UBE2G1: variants seen among roughly 807,000 people sequenced by gnomAD.
UBE2G1 encodes the protein ubiquitin conjugating enzyme E2 G1.
UBE2G1 carries 5 observed loss-of-function variants against 22.7 expected under a neutral mutation model. The ratio of observed to expected loss-of-function variants is 0.22; its 90% confidence interval spans 0.12 to 0.46. The LOEUF (loss-of-function observed/expected upper bound fraction) is 0.46. Among genes scored for constraint, UBE2G1 ranks in the 20% least tolerant of loss-of-function variants. The pLI is 0.99. For missense variants in UBE2G1, 88 were observed against 203.9 expected (o/e 0.43, Z 3.46); for synonymous variants, 74 against 67.5 (o/e 1.10, Z -0.47).
intron 1 of UBE2G1, among the ~76,000 whole-genome samples, chr17:4,354,121 TA>T (rs1420199108): frequency 2.6e-5 from 4 of 152,144 alleles, no homozygotes; most frequent in African/African-American, 9.7e-5. Flanking sequence ...CCCTCAGCCT[TA>T]AATATTTTCC....
intron 1 of UBE2G1, among the ~76,000 whole-genome samples, chr17:4,349,700 G>C (rs753351858): frequency 3.1e-4 from 47 of 151,750 alleles, no homozygotes; most frequent in Non-Finnish European, 5.0e-4. Context: ...AAAATTAGCC[G>C]GGCGTGGTGG....
intron 5 of UBE2G1, among the ~76,000 whole-genome samples, chr17:4,279,776 A>G (rs12150539): frequency 7.1e-6 from 1 of 141,660 alleles, no homozygotes. Context: ...CTCTGCCCCC[A>G]AAAAAAAGTT....
intron 1 of UBE2G1, among the ~76,000 whole-genome samples, chr17:4,312,441 A>G (rs1969320574): frequency 6.6e-6 from 1 of 152,106 alleles, no homozygotes; most frequent in African/African-American, 2.4e-5. Flanking sequence ...TGAGAAAGGT[A>G]AGCCAGTGAA....
chr17:4,327,777 T>G (rs1257598261), intron 1 of UBE2G1, among the ~76,000 whole-genome samples: 1 of 152,188 alleles, frequency 6.6e-6, no homozygotes, highest in African/African-American at 2.4e-5. Context: ...TGAATCACCC[T>G]CAAGCCTTCG....
At chr17:4,363,199 T>C (rs1381110589) in intron 1 of UBE2G1, among the ~76,000 whole-genome samples, 1 of 152,210 alleles carries the variant, frequency 6.6e-6, no homozygotes. Flanking sequence ...ATGTTTACAT[T>C]TCAATTAAAA....
intron 1 of UBE2G1, among the ~76,000 whole-genome samples, chr17:4,355,642 CA>C (rs57087475): frequency 7.6e-4 from 77 of 101,872 alleles, no homozygotes; most frequent in Admixed American, 8.5e-4. Flanking sequence ...AACTCCATCT[CA>C]AAAAAAAAAA....
At position 4,294,145 on chromosome 17, in the gene UBE2G1, G is replaced by A. The variant is rs1806894; in HGVS notation, c.247+2572C>T. Among the ~76,000 whole-genome samples, 827 of 152,272 alleles carry A rather than the reference G, an allele frequency of 5.4e-3. 5 individuals carry two copies. Among genetic ancestry groups the A allele is most frequent in the African/African-American group, 0.018 (763 of 41,556 alleles). On this transcript the variant is annotated intron_variant, in intron 3 of 5. Transcript: ENST00000396981. ...CAAAATTCCATCTAAGACCAGGCGCGTGGCTCACGCCTATAATCCCAGCAC... is the reference window on the plus strand; with the variant it reads ...CAAAATTCCATCTAAGACCAGGCGCATGGCTCACGCCTATAATCCCAGCAC...
intron 3 of UBE2G1, among the ~76,000 whole-genome samples, chr17:4,293,167 C>T (rs1006613918): frequency 6.6e-6 from 1 of 152,122 alleles, no homozygotes; most frequent in African/African-American, 2.4e-5. Flanking sequence ...CAGTAGGGAA[C>T]CACTAACCTA....
rs1968764292 is a variant in UBE2G1 at position 4,271,892 on chromosome 17, C to T, written c.*662G>A. On this transcript the variant is annotated 3_prime_UTR_variant, in exon 6 of 6. Coordinates refer to ENST00000396981, the MANE Select transcript of UBE2G1 (RefSeq NM_003342.5). ...AAGGACAAAGCACCTAGTGATGACT[C>T]CTTCGAAGTCATCATTAAAAATCAA... The T allele has an allele frequency of 2.0e-5, 3 of 152,640 alleles. No homozygotes were observed. The East Asian group carries it at 5.8e-4, about 29-fold the overall frequency. The allele number at this position is 152,640 out of a possible 1,614,324, so 9.5% of individuals were successfully genotyped here.
chr17:4,362,989 G>A (rs1233601395), intron 1 of UBE2G1, among the ~76,000 whole-genome samples: 1 of 152,064 alleles, frequency 6.6e-6, no homozygotes, highest in Non-Finnish European at 1.5e-5. Flanking sequence ...CAGACACAGT[G>A]GAGGGCTTCT....
At chr17:4,322,040 A>C (rs1017416772) in intron 1 of UBE2G1, among the ~76,000 whole-genome samples, 28 of 152,254 alleles carry the variant, frequency 1.8e-4, no homozygotes, top group Admixed American at 1.1e-3. Context: ...GAAATGCAAC[A>C]ATCTGAATGA....
intron 1 of UBE2G1, among the ~76,000 whole-genome samples, chr17:4,312,906 T>C (rs975041364): frequency 1.1e-4 from 17 of 151,786 alleles, no homozygotes; most frequent in South Asian, 6.2e-4. Flanking sequence ...GTGGAATCCA[T>C]GCAGGCAACG....
chr17:4,284,609 A>C (rs1246410830), intron 4 of UBE2G1, among the ~76,000 whole-genome samples: 1 of 151,808 alleles, frequency 6.6e-6, no homozygotes, highest in East Asian at 1.9e-4. Flanking sequence ...TCAAAAAAAA[A>C]ACAAAAAATA....
chr17:4,317,105 T>G (rs1483615516), intron 1 of UBE2G1, among the ~76,000 whole-genome samples: 2 of 151,902 alleles, frequency 1.3e-5, no homozygotes, highest in Non-Finnish European at 2.9e-5. Flanking sequence ...ATCCCAGTAC[T>G]TTGGAAGGCT....
intron 5 of UBE2G1, among the ~76,000 whole-genome samples, chr17:4,274,743 A>G (rs1341279027): frequency 6.6e-6 from 1 of 152,218 alleles, no homozygotes. Context: ...TTAGAAAATC[A>G]AAAGACATAC....
At chr17:4,326,954 G>T (rs927227155) in intron 1 of UBE2G1, among the ~76,000 whole-genome samples, 1 of 152,180 alleles carries the variant, frequency 6.6e-6, no homozygotes, top group Admixed American at 6.5e-5. Context: ...CTGAGGTCAG[G>T]AGTTTGAAAC....
chr17:4,366,625 C>T lies in UBE2G1; in HGVS notation c.-309G>A. 1 of 302,620 alleles carries T rather than the reference C, an allele frequency of 3.3e-6. No homozygotes were observed. Among genetic ancestry groups the T allele is most frequent in the Non-Finnish European group, 6.1e-6 (1 of 162,816 alleles). 18.7% of individuals were successfully genotyped at this position (302,620 alleles called of 1,614,324 possible). Reference sequence around the variant, plus strand: ...CGTCGGCCCCACCGGTGCCTTCCCCCGCCACTGCCTCACTGCGCGCAGGGC... The same window carrying T: ...CGTCGGCCCCACCGGTGCCTTCCCCTGCCACTGCCTCACTGCGCGCAGGGC... On this transcript the variant is annotated 5_prime_UTR_variant, in exon 1 of 6. Transcript: ENST00000396981.
chr17:4,330,645 G>A (rs896163413), intron 1 of UBE2G1, among the ~76,000 whole-genome samples: 16 of 152,232 alleles, frequency 1.1e-4, no homozygotes, highest in African/African-American at 3.9e-4. Flanking sequence ...GCTGAGGCAG[G>A]AGAATTGCTT....
intron 1 of UBE2G1, among the ~76,000 whole-genome samples, chr17:4,310,275 A>G (rs1332493655): frequency 6.6e-6 from 1 of 152,204 alleles, no homozygotes; most frequent in African/African-American, 2.4e-5. Flanking sequence ...ATCTTCTGGC[A>G]CTTGACCAAC....
Sources: allele counts gnomAD v4.1 joint callset (sites outside exome capture counted in the v4.1 genomes callset), GRCh38; gene constraint gnomAD v4.1.1; transcripts MANE v1.5; gene names NCBI Gene and HGNC (gene_info 2026-07-23, HGNC 2026-07-21).